BRD10: variants seen among roughly 807,000 people sequenced by gnomAD.
BRD10 encodes the protein bromodomain containing 10.
the BRD10 span, among the ~76,000 whole-genome samples, chr9:6,006,631 T>C: frequency 6.6e-5 from 10 of 152,262 alleles, no homozygotes; most frequent in East Asian, 1.7e-3. Flanking sequence ...ATTGCAAAAA[T>C]TGGGTGTCCT....
At chr9:5,952,648 T>C in the BRD10 span, among the ~76,000 whole-genome samples, 1 of 152,156 alleles carries the variant, frequency 6.6e-6, no homozygotes, top group South Asian at 2.1e-4. Flanking sequence ...ACTTAATATA[T>C]GGAAAAGTCT....
chr9:5,904,463 T>C, the BRD10 span, among the ~76,000 whole-genome samples: 7 of 152,292 alleles, frequency 4.6e-5, no homozygotes, highest in African/African-American at 1.7e-4. Flanking sequence ...TTTCTTGGCA[T>C]ATCAGTTATA....
chr9:5,974,638 G>C, the BRD10 span, among the ~76,000 whole-genome samples: 3 of 152,144 alleles, frequency 2.0e-5, no homozygotes, highest in Non-Finnish European at 4.4e-5. Flanking sequence ...GGCAACTAGA[G>C]TCTGCAGGAC....
At chr9:5,979,295 C>T in the BRD10 span, among the ~76,000 whole-genome samples, 4 of 152,282 alleles carry the variant, frequency 2.6e-5, no homozygotes, top group African/African-American at 9.6e-5. Flanking sequence ...GGGAGGATGG[C>T]TTGAGCCCAG....
the BRD10 span, among the ~76,000 whole-genome samples, chr9:5,905,925 T>C: frequency 2.6e-5 from 4 of 152,240 alleles, no homozygotes; most frequent in Non-Finnish European, 5.9e-5. Flanking sequence ...GCAGTTTTTT[T>C]CTTTCTGTTA....
chr9:5,944,222 C>T, the BRD10 span, among the ~76,000 whole-genome samples: 1 of 151,956 alleles, frequency 6.6e-6, no homozygotes, highest in Non-Finnish European at 1.5e-5. Flanking sequence ...ACTATAAATG[C>T]TAGTTAAATA....
the BRD10 span, chr9:5,968,414 C>G: frequency 6.2e-7 from 1 of 1,612,714 alleles, no homozygotes; most frequent in Non-Finnish European, 8.5e-7. Flanking sequence ...TTCACCTGGA[C>G]TAAGAGGCTC....
At chr9:5,925,964 T>C in the BRD10 span, among the ~76,000 whole-genome samples, 1 of 152,120 alleles carries the variant, frequency 6.6e-6, no homozygotes, top group Non-Finnish European at 1.5e-5. Context: ...GTCACCCAGA[T>C]TGGAGTGGAG....
the BRD10 span, among the ~76,000 whole-genome samples, chr9:5,993,958 T>C: frequency 5.3e-5 from 8 of 152,220 alleles, no homozygotes; most frequent in Non-Finnish European, 1.0e-4. Context: ...AAAATTTGCA[T>C]ATTTGATAGA....
the BRD10 span, among the ~76,000 whole-genome samples, chr9:5,953,857 G>C: frequency 6.6e-6 from 1 of 152,098 alleles, no homozygotes; most frequent in East Asian, 1.9e-4. Context: ...ATTAAATCTT[G>C]GTTACATCTG....
chr9:6,003,171 C>A, the BRD10 span, among the ~76,000 whole-genome samples: 29 of 152,206 alleles, frequency 1.9e-4, no homozygotes, highest in East Asian at 9.6e-4. Flanking sequence ...TTATTTTCAC[C>A]AAGATATTAT....
At chr9:5,978,435 T>C in the BRD10 span, among the ~76,000 whole-genome samples, 1 of 149,250 alleles carries the variant, frequency 6.7e-6, no homozygotes, top group Non-Finnish European at 1.5e-5. Flanking sequence ...TAATAAAATG[T>C]ACACAAATTG....
At chr9:5,934,289 G>A in the BRD10 span, among the ~76,000 whole-genome samples, 1 of 150,830 alleles carries the variant, frequency 6.6e-6, no homozygotes, top group South Asian at 2.1e-4. Context: ...TTTGTTACAA[G>A]TTTAATTCTT....
the BRD10 span, among the ~76,000 whole-genome samples, chr9:5,998,271 T>C: frequency 4.2e-5 from 5 of 119,314 alleles, no homozygotes; most frequent in African/African-American, 1.5e-4. Flanking sequence ...TGTTCTATTA[T>C]TGCCCCAGGA....
the BRD10 span, among the ~76,000 whole-genome samples, chr9:5,955,596 G>C: frequency 1.3e-5 from 2 of 151,868 alleles, no homozygotes; most frequent in African/African-American, 2.4e-5. Flanking sequence ...CTAACTTTTG[G>C]CTCAATGAAA....
chr9:6,007,947 G>T, the BRD10 span: 1 of 1,312,112 alleles, frequency 7.6e-7, no homozygotes, highest in South Asian at 2.2e-5. Context: ...TGCGCGCGGG[G>T]GTCTTGAGCT....
chr9:5,920,394 T>C, the BRD10 span: 1 of 1,613,996 alleles, frequency 6.2e-7, no homozygotes, highest in Non-Finnish European at 8.5e-7. Flanking sequence ...CAAGGTTCAC[T>C]GAACTGACTC....
At chr9:6,006,762 T>C in the BRD10 span, among the ~76,000 whole-genome samples, 1 of 152,202 alleles carries the variant, frequency 6.6e-6, no homozygotes, top group Non-Finnish European at 1.5e-5. Flanking sequence ...TTTTTAATGG[T>C]TTAAGACACC....
At chr9:5,888,871 T>C in the BRD10 span, among the ~76,000 whole-genome samples, 1 of 152,178 alleles carries the variant, frequency 6.6e-6, no homozygotes, top group Non-Finnish European at 1.5e-5. Flanking sequence ...TGTTGTCTTA[T>C]CTTATTCTAC....
Sources: gnomAD v4.1 joint callset for allele counts (sites outside exome capture counted in the v4.1 genomes callset) on GRCh38, gnomAD v4.1.1 for gene constraint, MANE v1.5 for transcripts, NCBI Gene and HGNC (gene_info 2026-07-23, HGNC 2026-07-21) for gene names.